The following EGFR variants were observed in gnomAD, a reference collection of about 807,000 sequenced individuals.
EGFR encodes the protein avian erythroblastic leukemia viral (v-erb-b) oncogene homolog.
In EGFR, 58 loss-of-function variants were observed where a neutral mutation model predicts 143.0. The ratio of observed to expected loss-of-function variants is 0.41; its 90% CI spans 0.33 to 0.50. The LOEUF (loss-of-function observed/expected upper bound fraction) is 0.50. EGFR is among the 20% of genes least tolerant of loss of function. The pLI is 0.39. For missense variants in EGFR, 1,307 were observed against 1,579.0 expected, an observed-to-expected ratio of 0.83 and a Z score of 2.92; for synonymous variants, 613 against 594.4, an observed-to-expected ratio of 1.03 and a Z score of -0.45.
At chr7:55,125,330 A>G (rs1793459362) in intron 1 of EGFR, among the ~76,000 whole-genome samples, 1 of 152,242 alleles carries the variant, frequency 6.6e-6, no homozygotes, top group Admixed American at 6.5e-5. Context: ...CAACATTGAA[A>G]CCACATGCTT....
At chr7:55,045,705 G>C (rs1277813830) in intron 1 of EGFR, among the ~76,000 whole-genome samples, 1 of 152,218 alleles carries the variant, frequency 6.6e-6, no homozygotes, top group African/African-American at 2.4e-5. Flanking sequence ...GAAAGGTAAT[G>C]TGTGAAAAGT....
rs111482654 is a variant in EGFR at position 55,035,414 on chromosome 7, A to T, written c.88+16049A>T. Among the ~76,000 whole-genome samples, 1,025 of 152,040 alleles carry T rather than the reference A, an allele frequency of 6.7e-3. 9 individuals are homozygous for T. The highest frequency in any genetic ancestry group is 0.023 in the African/African-American group (961 of 41,446). ...TGTGGTGGCTCACACCTGTAATCCC[A>T]GCACTTTGGGAGGCCAAGGCAGGTG... On this transcript the variant is annotated intron_variant, in intron 1 of 27. Transcript: ENST00000275493.
chr7:55,190,687 C>T (rs563507018), intron 20 of EGFR, among the ~76,000 whole-genome samples: 40 of 152,294 alleles, frequency 2.6e-4, no homozygotes, highest in African/African-American at 8.9e-4. Flanking sequence ...GTCGTGCCCA[C>T]TCTGTACTAG....
intron 1 of EGFR, among the ~76,000 whole-genome samples, chr7:55,111,154 GGT>G (rs1792463445): frequency 6.6e-6 from 1 of 152,132 alleles, no homozygotes; most frequent in Non-Finnish European, 1.5e-5. Context: ...GGTATCGCGC[GGT>G]GTGTGCTCTC....
intron 18 of EGFR, 123 bp downstream of exon 18, chr7:55,174,166 G>A (rs2128954037): frequency 7.2e-7 from 1 of 1,384,420 alleles, no homozygotes; most frequent in Non-Finnish European, 9.8e-7. Context: ...TTCACTGAGT[G>A]TTTGGGAAAC....
intron 20 of EGFR, among the ~76,000 whole-genome samples, chr7:55,183,647 T>C (rs1237214143): frequency 1.3e-5 from 2 of 152,252 alleles, no homozygotes; most frequent in African/African-American, 2.4e-5. Flanking sequence ...CCTGGTTATC[T>C]GAAGCAGGGA....
At chr7:55,026,081 GC>G (rs1003547772) in intron 1 of EGFR, among the ~76,000 whole-genome samples, 2 of 152,118 alleles carry the variant, frequency 1.3e-5, no homozygotes, top group African/African-American at 4.8e-5. Context: ...GCCTTACTGT[GC>G]CCCAGACCAG....
intron 1 of EGFR, among the ~76,000 whole-genome samples, chr7:55,037,654 A>G (rs999044026): frequency 6.6e-6 from 1 of 152,318 alleles, no homozygotes; most frequent in Middle Eastern, 3.4e-3. Context: ...AAAAATCTTT[A>G]TAGTCTCTTC....
chr7:55,184,633 A>G (rs571420166), intron 20 of EGFR, among the ~76,000 whole-genome samples: 11 of 152,274 alleles, frequency 7.2e-5, no homozygotes, highest in Middle Eastern at 6.8e-3. Flanking sequence ...TACAATTTCA[A>G]TCTGTTATTT....
chr7:55,203,253 CACAT>C (rs1350638507), intron 27 of EGFR, among the ~76,000 whole-genome samples: 1 of 148,138 alleles, frequency 6.8e-6, no homozygotes, highest in Non-Finnish European at 1.5e-5. Context: ...CATGTATACA[CACAT>C]ACACACACCA....
At chr7:55,148,359 G>C (rs1285952946) in intron 4 of EGFR, among the ~76,000 whole-genome samples, 1 of 152,050 alleles carries the variant, frequency 6.6e-6, no homozygotes, top group Non-Finnish European at 1.5e-5. Context: ...AGGTCTCCAT[G>C]TTCTGTACAA....
intron 1 of EGFR, among the ~76,000 whole-genome samples, chr7:55,050,941 CT>C (rs1788452120): frequency 2.6e-5 from 4 of 152,210 alleles, no homozygotes; most frequent in Admixed American, 2.0e-4. Context: ...GCAGCACCTC[CT>C]GTGTGCCCAC....
Position 55,146,631 on chromosome 7 carries a change from CAGCAACAA to C in EGFR, c.451_458del (p.Ser151ProfsTer18). 1 of 1,614,030 alleles carries C rather than the reference CAGCAACAA, an allele frequency of 6.2e-7. No individual in the cohort carries two copies. The highest frequency in any genetic ancestry group is 8.5e-7 in the Non-Finnish European group (1 of 1,179,918). The stretch of plus-strand genomic sequence containing the variant: ...AAATCCTGCATGGCGCCGTGCGGTT[CAGCAACAA>C]CCCTGCCCTGTGCAACGTGGAGAGC... On this transcript the variant is annotated frameshift_variant, in exon 4 of 28. Coordinates refer to ENST00000275493, the MANE Select transcript of EGFR (RefSeq NM_005228.5). LOFTEE classifies it high-confidence loss of function.
chr7:55,202,218 TCA>T (rs1461562112), intron 26 of EGFR, among the ~76,000 whole-genome samples: 2 of 152,226 alleles, frequency 1.3e-5, no homozygotes, highest in Admixed American at 6.5e-5. Context: ...ATTCAGTTTC[TCA>T]CACATGTGAA....
chr7:55,052,620 G>A (rs945204270), intron 1 of EGFR, among the ~76,000 whole-genome samples: 1 of 152,320 alleles, frequency 6.6e-6, no homozygotes, highest in East Asian at 1.9e-4. Flanking sequence ...ATGGATGCCT[G>A]GTGGAATGAG....
chr7:55,118,717 C>G (rs1321094742), intron 1 of EGFR, among the ~76,000 whole-genome samples: 1 of 152,062 alleles, frequency 6.6e-6, no homozygotes, highest in Non-Finnish European at 1.5e-5. Context: ...GACAAAGGAG[C>G]TGTGATCTCA....
chr7:55,089,967 T>C (rs1003770527), intron 1 of EGFR, among the ~76,000 whole-genome samples: 11 of 151,230 alleles, frequency 7.3e-5, no homozygotes, highest in Admixed American at 3.3e-4. Flanking sequence ...TATTTATTTA[T>C]TTATTTATTT....
intron 23 of EGFR, among the ~76,000 whole-genome samples, chr7:55,199,303 T>C (rs1787749383): frequency 6.6e-6 from 1 of 152,256 alleles, no homozygotes; most frequent in Admixed American, 6.5e-5. Flanking sequence ...ATGTGAAGTC[T>C]CTGCAGTGTG....
At chr7:55,203,773 G>A (rs568907123) in intron 27 of EGFR, among the ~76,000 whole-genome samples, 31 of 149,148 alleles carry the variant, frequency 2.1e-4, no homozygotes, top group South Asian at 8.5e-4. Flanking sequence ...ATACACATAT[G>A]TATGTGCATA....
Sources: allele counts gnomAD v4.1 joint callset (sites outside exome capture counted in the v4.1 genomes callset), GRCh38; gene constraint gnomAD v4.1.1; transcripts MANE v1.5; gene names NCBI Gene and HGNC (gene_info 2026-07-23, HGNC 2026-07-21).